CCDC171: variants seen among roughly 807,000 people sequenced by gnomAD.
The protein encoded by CCDC171 is coiled-coil domain containing 171.
A neutral mutation model predicts 168.2 loss-of-function variants in CCDC171; 177 were observed. The observed-to-expected ratio is 1.05, with a 90% confidence interval of 0.93 to 1.19. The LOEUF (loss-of-function observed/expected upper bound fraction) is 1.19. Ranked by LOEUF, CCDC171 falls within the 50% of genes most tolerant of loss-of-function variation. The pLI, the probability that CCDC171 is intolerant of heterozygous loss-of-function variation, is 0.00. For missense variants in CCDC171, 1,991 were observed against 1,539.0 expected (o/e 1.29, Z -4.91); for synonymous variants, 687 against 540.8 (o/e 1.27, Z -3.75).
chr9:16,001,486 G>A (rs544141032), intron 3 of CCDC171, among the ~76,000 whole-genome samples: 1 of 152,100 alleles, frequency 6.6e-6, no homozygotes, highest in East Asian at 1.9e-4. Flanking sequence ...GGGGTAGGGA[G>A]TTAAGGGGCA....
At chr9:15,623,769 G>T (rs552617730) in intron 7 of CCDC171, among the ~76,000 whole-genome samples, 4 of 152,216 alleles carry the variant, frequency 2.6e-5, no homozygotes, top group South Asian at 2.1e-4. Flanking sequence ...GTGTACATAG[G>T]TTCTAAATCA....
intron 1 of CCDC171, among the ~76,000 whole-genome samples, chr9:15,556,367 G>A (rs1444092406): frequency 6.6e-6 from 1 of 152,122 alleles, no homozygotes; most frequent in South Asian, 2.1e-4. Context: ...CGGTGTAAAA[G>A]TGTTCCTATT....
At chr9:16,004,754 G>C (rs931830962) in intron 3 of CCDC171, among the ~76,000 whole-genome samples, 1 of 152,120 alleles carries the variant, frequency 6.6e-6, no homozygotes, top group African/African-American at 2.4e-5. Context: ...GTTAGCAAAG[G>C]GTCTAAGTAC....
rs770724467 is a variant in CCDC171 at position 15,728,061 on chromosome 9, C to T, written c.1860+25C>T. On this transcript the variant is annotated intron_variant, in intron 15 of 25. Transcript: ENST00000380701. ...GGTAACTGTCCTCAGGCACCAGATA[C>T]CTCTATTAAATTCAGTGACATTTGT... 8 of 1,576,748 alleles carry T rather than the reference C, an allele frequency of 5.1e-6. No individual in the cohort carries two copies. In the South Asian group the frequency reaches 5.9e-5, roughly 12 times the overall value.
chr9:16,103,268 G>C, the CCDC171 span, among the ~76,000 whole-genome samples: 41 of 152,244 alleles, frequency 2.7e-4, no homozygotes, highest in African/African-American at 8.9e-4. Flanking sequence ...ACAGTCACCA[G>C]CTGTTTGCAG....
chr9:15,961,198 C>T (rs2132639103), intron 25 of CCDC171, among the ~76,000 whole-genome samples: 1 of 152,206 alleles, frequency 6.6e-6, no homozygotes, highest in African/African-American at 2.4e-5. Flanking sequence ...CTCAGTAATT[C>T]CACTCCTTGA....
intron 6 of CCDC171, among the ~76,000 whole-genome samples, chr9:15,618,776 T>G (rs1314949033): frequency 6.6e-6 from 1 of 152,004 alleles, no homozygotes; most frequent in Non-Finnish European, 1.5e-5. Flanking sequence ...CCCTAGCTCC[T>G]TGCACTTCCA....
intron 18 of CCDC171, among the ~76,000 whole-genome samples, chr9:15,764,193 A>G (rs565450092): frequency 5.3e-5 from 8 of 152,328 alleles, no homozygotes; most frequent in African/African-American, 1.4e-4. Context: ...ACCTGCACCC[A>G]CATTATGCAA....
intron 23 of CCDC171, among the ~76,000 whole-genome samples, chr9:15,852,716 A>G (rs938076899): frequency 4.6e-5 from 7 of 151,618 alleles, no homozygotes; most frequent in Admixed American, 6.6e-5. Flanking sequence ...TTTAGCTCTC[A>G]TATTTAGGTC....
chr9:15,980,306 C>T (rs1312246468), intron 3 of CCDC171, among the ~76,000 whole-genome samples: 1 of 152,140 alleles, frequency 6.6e-6, no homozygotes, highest in Non-Finnish European at 1.5e-5. Context: ...TTGGAAATTA[C>T]ATGTTATTTG....
At chr9:16,096,734 C>G in the CCDC171 span, among the ~76,000 whole-genome samples, 1 of 152,202 alleles carries the variant, frequency 6.6e-6, no homozygotes, top group Non-Finnish European at 1.5e-5. Flanking sequence ...ACTCCCTTTC[C>G]TCATCCACTT....
chr9:15,656,892 C>T (rs1019864067), intron 7 of CCDC171, among the ~76,000 whole-genome samples: 1 of 151,446 alleles, frequency 6.6e-6, no homozygotes, highest in Non-Finnish European at 1.5e-5. Context: ...TATATTTTCA[C>T]TATGTGTAGG....
At chr9:15,784,718 C>A in intron 21 of CCDC171, 24 bp downstream of exon 21, 1 of 1,553,012 alleles carries the variant, frequency 6.4e-7, no homozygotes, top group Non-Finnish European at 8.8e-7. Flanking sequence ...GGGATATTTG[C>A]ATAAAGGGAT....
intron 23 of CCDC171, among the ~76,000 whole-genome samples, chr9:15,869,598 A>G (rs548993705): frequency 6.7e-6 from 1 of 148,712 alleles, no homozygotes; most frequent in Admixed American, 6.7e-5. Context: ...TTCTCTTTGT[A>G]TTTACAAAAG....
chr9:15,785,416 T>C (rs372471126), intron 21 of CCDC171, among the ~76,000 whole-genome samples: 1 of 152,258 alleles, frequency 6.6e-6, no homozygotes, highest in East Asian at 1.9e-4. Flanking sequence ...TCAGAGTTGG[T>C]ATTAACTTAT....
intron 21 of CCDC171, among the ~76,000 whole-genome samples, chr9:15,790,448 T>C (rs1005826365): frequency 6.6e-6 from 1 of 152,192 alleles, no homozygotes; most frequent in Non-Finnish European, 1.5e-5. Context: ...CGGTTGTTTG[T>C]TTTTTTCTTG....
At chr9:15,648,352 C>T (rs1423607388) in intron 7 of CCDC171, among the ~76,000 whole-genome samples, 4 of 152,186 alleles carry the variant, frequency 2.6e-5, no homozygotes, top group Non-Finnish European at 4.4e-5. Flanking sequence ...CAGGGATGCC[C>T]TCTCTCACCA....
At position 15,846,784 on chromosome 9, in the gene CCDC171, A is replaced by G. The variant is rs1174621380; in HGVS notation, c.3350A>G (p.Gln1117Arg). The change falls in exon 22 of 26, where the codon CAG (glutamine) becomes CGG (arginine). Residue 1117 changes from glutamine to arginine, a missense_variant. Coordinates refer to ENST00000380701, the MANE Select transcript of CCDC171 (RefSeq NM_173550.4). ...AATAGACATCTTACCCAGCTGGAGC[A>G]GGACAAGCGTCGACTGGAGGAGAAC... ...QLNRHLTQLE[Q>R]DKRRLEENIH... The G allele has an allele frequency of 6.2e-7, 1 of 1,612,458 alleles. No homozygotes were observed. The highest frequency in any genetic ancestry group is 8.5e-7 in the Non-Finnish European group (1 of 1,179,190).
chr9:16,046,849 T>A (rs1833670500), intron 1 of CCDC171, among the ~76,000 whole-genome samples: 1 of 152,112 alleles, frequency 6.6e-6, no homozygotes, highest in South Asian at 2.1e-4. Flanking sequence ...CAGCCTTGGG[T>A]ATGTCTTTAT....
Sources: allele counts gnomAD v4.1 joint callset (sites outside exome capture counted in the v4.1 genomes callset), GRCh38; gene constraint gnomAD v4.1.1; transcripts MANE v1.5; gene names NCBI Gene and HGNC (gene_info 2026-07-23, HGNC 2026-07-21).